The following TMEM232 variants were observed in gnomAD, a reference collection of about 807,000 sequenced individuals.
The protein encoded by TMEM232 is transmembrane protein 232.
Under a neutral mutation model 78.8 loss-of-function variants are expected in TMEM232, and 80 were observed. The ratio of observed to expected loss-of-function variants is 1.01; its 90% CI spans 0.85 to 1.22. The LOEUF is 1.22. Ranked by LOEUF, TMEM232 falls within the 50% of genes most tolerant of loss-of-function variation. The pLI, the probability that TMEM232 is intolerant of heterozygous loss-of-function variation, is 0.00. For synonymous variants in TMEM232, 297 were observed against 254.3 expected, an observed-to-expected ratio of 1.17 and a Z score of -1.60; for missense variants, 881 against 742.2, an observed-to-expected ratio of 1.19 and a Z score of -2.17.
intron 2 of TMEM232, among the ~76,000 whole-genome samples, chr5:110,402,158 T>C (rs1381746597): frequency 6.6e-6 from 1 of 152,096 alleles, no homozygotes; most frequent in Admixed American, 6.6e-5. Flanking sequence ...GTTTGCATCA[T>C]TGCTCATTTC....
intron 12 of TMEM232, among the ~76,000 whole-genome samples, chr5:110,451,086 A>C (rs1480238487): frequency 6.6e-6 from 1 of 152,216 alleles, no homozygotes. Context: ...GATGGAACAC[A>C]AAATAAATGC....
chr5:110,450,957 A>G (rs1760208086), intron 12 of TMEM232, among the ~76,000 whole-genome samples: 1 of 152,162 alleles, frequency 6.6e-6, no homozygotes, highest in African/African-American at 2.4e-5. Flanking sequence ...CCAAGAGGAC[A>G]GTGGAGCTAC....
intron 12 of TMEM232, among the ~76,000 whole-genome samples, chr5:110,513,055 C>A (rs1489170558): frequency 6.6e-6 from 1 of 152,128 alleles, no homozygotes; most frequent in Non-Finnish European, 1.5e-5. Flanking sequence ...ATTGATGACA[C>A]CCATAATTCC....
intron 10 of TMEM232, among the ~76,000 whole-genome samples, chr5:110,600,152 C>T (rs1342789197): frequency 6.6e-6 from 1 of 152,180 alleles, no homozygotes; most frequent in Non-Finnish European, 1.5e-5. Context: ...CTCTGGGACA[C>T]AGCTAAAGCA....
intron 1 of TMEM232, among the ~76,000 whole-genome samples, chr5:110,698,687 C>T (rs962391537): frequency 6.6e-6 from 1 of 152,022 alleles, no homozygotes; most frequent in African/African-American, 2.4e-5. Flanking sequence ...ATTAGCTTTA[C>T]TTAGGACCTC....
intron 10 of TMEM232, among the ~76,000 whole-genome samples, chr5:110,588,639 C>T (rs188318861): frequency 6.6e-5 from 10 of 152,098 alleles, no homozygotes; most frequent in African/African-American, 2.4e-4. Flanking sequence ...CTCCAGGGCA[C>T]AAAATTTAAG....
intron 12 of TMEM232, among the ~76,000 whole-genome samples, chr5:110,451,255 T>C (rs539321597): frequency 1.3e-5 from 2 of 152,306 alleles, no homozygotes; most frequent in East Asian, 1.9e-4. Flanking sequence ...TCTATCTCTT[T>C]CTTTAAATCC....
At position 110,400,547 on chromosome 5, in the gene TMEM232, A is replaced by G. The variant is rs72788417; in HGVS notation, n.309-2693T>C. Among the ~76,000 whole-genome samples, 637 of 152,222 alleles carry G rather than the reference A, an allele frequency of 4.2e-3. 5 individuals are homozygous for G. Among genetic ancestry groups the G allele is most frequent in the Non-Finnish European group, 6.4e-3 (432 of 68,002 alleles). On this transcript the variant is annotated intron_variant and non_coding_transcript_variant, in intron 2 of 8. Transcript: ENST00000507188. ...AAATATAAGACATACATCAGATGTC[A>G]TATGTGTATTACACTGCTTCAGTGT... is the stretch of plus-strand genomic sequence containing the variant.
chr5:110,425,314 A>C (rs1227913518), intron 12 of TMEM232, among the ~76,000 whole-genome samples: 1 of 152,120 alleles, frequency 6.6e-6, no homozygotes, highest in Non-Finnish European at 1.5e-5. Context: ...TAGTTCAGTG[A>C]AATTGTTGGC....
intron 1 of TMEM232, among the ~76,000 whole-genome samples, chr5:110,717,884 G>A (rs1029946378): frequency 6.6e-6 from 1 of 152,108 alleles, no homozygotes; most frequent in African/African-American, 2.4e-5. Flanking sequence ...GTGGAACTGT[G>A]AGTCAATTAA....
At chr5:110,627,405 C>T (rs6886299) in intron 6 of TMEM232, among the ~76,000 whole-genome samples, 45,473 of 151,748 alleles carry the variant, frequency 0.3, 8,634 homozygotes, top group African/African-American at 0.55. Flanking sequence ...GGGAGTAGGT[C>T]GTGAGAACGG....
chr5:110,422,837 T>A (rs1193227663), intron 13 of TMEM232, among the ~76,000 whole-genome samples: 1 of 152,138 alleles, frequency 6.6e-6, no homozygotes, highest in Non-Finnish European at 1.5e-5. Context: ...GGGTAAATAA[T>A]TGTATTTTTT....
chr5:110,473,722 T>C (rs556753846), intron 12 of TMEM232, among the ~76,000 whole-genome samples: 1 of 150,814 alleles, frequency 6.6e-6, no homozygotes, highest in Non-Finnish European at 1.5e-5. Flanking sequence ...ATAGCTGAGA[T>C]ATAGAATCAA....
chr5:110,561,820 T>C (rs1351696406), intron 11 of TMEM232, among the ~76,000 whole-genome samples: 2 of 152,076 alleles, frequency 1.3e-5, no homozygotes, highest in South Asian at 2.1e-4. Flanking sequence ...CTGTTCCACG[T>C]TGTCTGTCAT....
rs1442906569 is a variant in TMEM232, at chr5:110,726,619, T to G, written c.-13+8A>C. ...AATCATCTGAAGCAGGACCTCTTAA[T>G]CACTCACCGCTGCGCTCTGAGCCGC... is the stretch of plus-strand genomic sequence containing the variant. On this transcript the variant is annotated splice_region_variant and intron_variant, in intron 1 of 13. Transcript: ENST00000455884. The G allele has an allele frequency of 6.6e-6, 1 of 152,196 alleles. No individual in the cohort carries two copies. Among genetic ancestry groups the G allele is most frequent in the African/African-American group, 2.4e-5 (1 of 41,432 alleles). 9.4% of individuals were successfully genotyped at this position (152,196 alleles called of 1,614,324 possible).
chr5:110,442,350 A>G (rs1271113192), intron 12 of TMEM232, among the ~76,000 whole-genome samples: 1 of 151,548 alleles, frequency 6.6e-6, no homozygotes, highest in Non-Finnish European at 1.5e-5. Context: ...CTGATTTTCA[A>G]ATAGTCTGTT....
intron 12 of TMEM232, among the ~76,000 whole-genome samples, chr5:110,454,123 A>G (rs1325807792): frequency 2.0e-5 from 3 of 152,202 alleles, no homozygotes; most frequent in Non-Finnish European, 2.9e-5. Flanking sequence ...CAATAAGGAT[A>G]TAGAAGCCTG....
intron 13 of TMEM232, among the ~76,000 whole-genome samples, chr5:110,423,518 T>C (rs987544072): frequency 1.3e-5 from 2 of 152,170 alleles, no homozygotes; most frequent in Non-Finnish European, 2.9e-5. Context: ...TACTATGAAT[T>C]ACTAGTTTAT....
intron 10 of TMEM232, among the ~76,000 whole-genome samples, chr5:110,590,417 G>C (rs919805005): frequency 1.3e-5 from 2 of 152,144 alleles, no homozygotes; most frequent in Admixed American, 6.6e-5. Context: ...CCTCCTGTCA[G>C]ATCAGTGGTA....
Sources: gnomAD v4.1 joint callset for allele counts (sites outside exome capture counted in the v4.1 genomes callset) on GRCh38, gnomAD v4.1.1 for gene constraint, MANE v1.5 for transcripts, NCBI Gene and HGNC (gene_info 2026-07-23, HGNC 2026-07-21) for gene names.